The following CTDP1 variants were observed in gnomAD, a reference collection of about 807,000 sequenced individuals.
The protein encoded by CTDP1 is CTD phosphatase 1, also known as RNA polymerase II subunit A C-terminal domain phosphatase.
In CTDP1, 47 loss-of-function variants were observed where a neutral mutation model predicts 91.8. The observed-to-expected ratio is 0.51, with a 90% confidence interval of 0.41 to 0.65. The LOEUF (loss-of-function observed/expected upper bound fraction) is 0.65, where lower values mean the gene tolerates loss of function less well. CTDP1 is among the 30% of genes least tolerant of loss of function. The pLI, the probability that CTDP1 is intolerant of heterozygous loss-of-function variation, is 0.00. For synonymous variants in CTDP1, 656 were observed against 598.5 expected, an observed-to-expected ratio of 1.10 and a Z score of -1.40; for missense variants, 1,272 against 1,373.7, an observed-to-expected ratio of 0.93 and a Z score of 1.17.
chr18:79,745,305 C>T (rs941585389), intron 12 of CTDP1, among the ~76,000 whole-genome samples: 21 of 123,330 alleles, frequency 1.7e-4, no homozygotes, highest in African/African-American at 6.4e-4. Context: ...CCCTCCCGTG[C>T]GCGTTCTGTC....
chr18:79,735,321 CTG>C (rs908503069), intron 11 of CTDP1, among the ~76,000 whole-genome samples: 2 of 152,202 alleles, frequency 1.3e-5, no homozygotes, highest in Admixed American at 6.5e-5. Context: ...CGCTGGGGGA[CTG>C]TGGTCAGGCC....
At chr18:79,692,530 A>T (rs1289847964) in intron 1 of CTDP1, among the ~76,000 whole-genome samples, 1 of 152,264 alleles carries the variant, frequency 6.6e-6, no homozygotes, top group Non-Finnish European at 1.5e-5. Flanking sequence ...GAGCCACCCC[A>T]GATCCTTCTT....
chr18:79,743,526 CAAAA>C (rs34957550), intron 12 of CTDP1, among the ~76,000 whole-genome samples: 228 of 109,880 alleles, frequency 2.1e-3, no homozygotes, highest in Non-Finnish European at 3.5e-3. Flanking sequence ...ACTCCGTCTC[CAAAA>C]AAAAAAAAAA....
rs1273201513 is a variant in CTDP1 at position 79,714,789 on chromosome 18, G to A, written c.1329G>A (p.Gln443=). ...TGGCACCGGGACAGCGGCCTGCCCA[G>A]GGTGCCACGGGCACTGACCTGGACT... ...GRVAPGQRPA[Q]GATGTDLDFD... The change falls in exon 8 of 13, where the codon CAG becomes CAA. Residue 443 remains glutamine, a synonymous_variant. Coordinates refer to ENST00000613122, the MANE Select transcript of CTDP1 (RefSeq NM_004715.5). 1 of 1,603,496 alleles carries A rather than the reference G, an allele frequency of 6.2e-7. No individual in the cohort carries two copies. Among genetic ancestry groups the A allele is most frequent in the Middle Eastern group, 1.7e-4 (1 of 6,052 alleles).
intron 1 of CTDP1, among the ~76,000 whole-genome samples, chr18:79,682,173 G>C (rs979711128): frequency 7.2e-5 from 11 of 152,204 alleles, no homozygotes; most frequent in Non-Finnish European, 1.3e-4. Flanking sequence ...CTGACGGTCG[G>C]CTCCGTGTGG....
intron 11 of CTDP1, among the ~76,000 whole-genome samples, chr18:79,735,159 C>T (rs925074855): frequency 1.3e-5 from 2 of 152,058 alleles, no homozygotes; most frequent in South Asian, 2.1e-4. Context: ...GCCTCGACTG[C>T]TCCGAACCGC....
At chr18:79,680,786 A>C (rs2085347858) in intron 1 of CTDP1, 1 of 152,434 alleles carries the variant, frequency 6.6e-6, no homozygotes, top group Non-Finnish European at 1.5e-5. Context: ...GTGGTTGACC[A>C]CAGTGGGCAT....
chr18:79,698,162 C>G (rs2122510662), intron 4 of CTDP1, among the ~76,000 whole-genome samples, 174 bp downstream of exon 4: 1 of 152,372 alleles, frequency 6.6e-6, no homozygotes, highest in South Asian at 2.1e-4. Flanking sequence ...TGTTGGGGAG[C>G]ATCCGCGGCT....
At chr18:79,729,532 C>T (rs1035772559) in intron 11 of CTDP1, among the ~76,000 whole-genome samples, 1 of 152,238 alleles carries the variant, frequency 6.6e-6, no homozygotes, top group African/African-American at 2.4e-5. Flanking sequence ...AACACACGCA[C>T]ACAGAGTGAC....
At chr18:79,699,579 T>G (rs1212126474) in intron 4 of CTDP1, among the ~76,000 whole-genome samples, 4 of 152,054 alleles carry the variant, frequency 2.6e-5, no homozygotes, top group Admixed American at 6.5e-5. Context: ...TTTTTTTTAA[T>G]GCCTATTTTC....
intron 12 of CTDP1, among the ~76,000 whole-genome samples, chr18:79,749,069 G>C (rs957552522): frequency 2.6e-5 from 4 of 152,212 alleles, no homozygotes; most frequent in African/African-American, 9.7e-5. Flanking sequence ...CAGCACTCTG[G>C]GTGTTTTTGT....
chr18:79,706,581 TG>T (rs1246495686), intron 5 of CTDP1, among the ~76,000 whole-genome samples: 1 of 152,228 alleles, frequency 6.6e-6, no homozygotes, highest in African/African-American at 2.4e-5. Flanking sequence ...TGTATAATTT[TG>T]CCTAGTTTGT....
chr18:79,736,474 G>A lies in CTDP1; in HGVS notation c.2700G>A (p.Gly900=). Reference sequence around the variant, plus strand: ...GGACCCGCAGGGAGCGGACGCTCGGGGCACCTGCGTCCAGCGAGAGGAGCG... The same window carrying A: ...GGACCCGCAGGGAGCGGACGCTCGGAGCACCTGCGTCCAGCGAGAGGAGCG... ...KPGTRRERTL[G]APASSERSAA... The change falls in exon 12 of 13, where the codon GGG becomes GGA. Residue 900 remains glycine (G), a synonymous_variant. Transcript: ENST00000613122. 1.9e-6 allele frequency: 3 copies of A among 1,548,590 alleles called. 1 individual carries two copies. Among genetic ancestry groups the A allele is most frequent in the South Asian group, 2.4e-5 (2 of 83,944 alleles).
At chr18:79,707,871 G>A (rs147435087) in intron 5 of CTDP1, among the ~76,000 whole-genome samples, 3 of 152,324 alleles carry the variant, frequency 2.0e-5, no homozygotes, top group Non-Finnish European at 2.9e-5. Context: ...GAAAGTGACC[G>A]TGTTGATAGC....
chr18:79,756,437 C>T (rs980933093), downstream of CTDP1: 1 of 152,248 alleles, frequency 6.6e-6, no homozygotes, highest in Non-Finnish European at 1.5e-5. Flanking sequence ...ATGCTGGCAG[C>T]CCCTGAGTGT....
chr18:79,718,920 A>T (rs1307752720), intron 10 of CTDP1, among the ~76,000 whole-genome samples: 2 of 152,056 alleles, frequency 1.3e-5, no homozygotes, highest in Non-Finnish European at 2.9e-5. Context: ...TAATGGGGAG[A>T]TGGAGAGGTA....
chr18:79,717,438 G>T, intron 8 of CTDP1, 97 bp from the exon 9 acceptor site: 5 of 1,555,502 alleles, frequency 3.2e-6, no homozygotes, highest in Non-Finnish European at 3.5e-6. Context: ...CCCTGGTGGG[G>T]TACAGCCAGG....
chr18:79,718,172 G>A (rs1009737250), intron 10 of CTDP1, among the ~76,000 whole-genome samples, 156 bp downstream of exon 10: 5 of 152,186 alleles, frequency 3.3e-5, no homozygotes, highest in South Asian at 2.1e-4. Context: ...CGCCGCCCCC[G>A]CTTGCAGTCT....
At chr18:79,702,700 A>G (rs1218110215) in intron 4 of CTDP1, 1 of 152,242 alleles carries the variant, frequency 6.6e-6, no homozygotes, top group Non-Finnish European at 1.5e-5. Flanking sequence ...GTATTTTTAA[A>G]TTAAGTTAGG....
Sources: allele counts gnomAD v4.1 joint callset (sites outside exome capture counted in the v4.1 genomes callset), GRCh38; gene constraint gnomAD v4.1.1; transcripts MANE v1.5; gene names NCBI Gene and HGNC (gene_info 2026-07-23, HGNC 2026-07-21).